The following PSMD6 variants were observed in gnomAD, a reference collection of about 807,000 sequenced individuals.
PSMD6 encodes the protein 26S proteasome non-ATPase regulatory subunit 6.
PSMD6 carries 7 observed loss-of-function variants against 44.9 expected under a neutral mutation model. The observed-to-expected ratio is 0.16, with a 90% CI of 0.09 to 0.29. The LOEUF is 0.29. Ranked by LOEUF, PSMD6 falls within the 10% of genes least tolerant of loss-of-function variation. PSMD6 has a pLI of 1.00. For synonymous variants in PSMD6, 184 were observed against 172.7 expected (o/e 1.07, Z -0.51); for missense variants, 420 against 482.6 (o/e 0.87, Z 1.21).
At chr3:64,011,097 G>T in intron 6 of PSMD6, 142 bp from the exon 7 acceptor site, 1 of 651,630 alleles carries the variant, frequency 1.5e-6, no homozygotes, top group South Asian at 2.0e-5. Flanking sequence ...AGTAGTTGAC[G>T]TTGTCCCTCC....
intron 5 of PSMD6, chr3:64,016,563 C>T (rs1327005610): frequency 1.6e-5 from 2 of 128,670 alleles, no homozygotes; most frequent in Non-Finnish European, 3.2e-5. Context: ...AATTGGGGCA[C>T]ATGGCCAGTT....
Position 64,018,583 on chromosome 3 carries a change from T to C in PSMD6, c.826+16A>G. The C allele has an allele frequency of 2.7e-6, 4 of 1,502,172 alleles. No individual in the cohort carries two copies. Among genetic ancestry groups the C allele is most frequent in the African/African-American group, 1.4e-5 (1 of 71,550 alleles). 93.1% of individuals were successfully genotyped at this position (1,502,172 alleles called of 1,614,324 possible). On this transcript the variant is annotated intron_variant, in intron 5 of 7. Coordinates refer to ENST00000295901, the MANE Select transcript of PSMD6 (RefSeq NM_014814.3). ...AGATGAAGACAGATAATCAAAAATATCAACCCTATCCTTACCTAATGATTG... is the reference window on the plus strand; with the variant it reads ...AGATGAAGACAGATAATCAAAAATACCAACCCTATCCTTACCTAATGATTG...
intron 2 of PSMD6, among the ~76,000 whole-genome samples, chr3:64,020,538 C>T (rs2076112873): frequency 6.6e-6 from 1 of 152,122 alleles, no homozygotes; most frequent in South Asian, 2.1e-4. Flanking sequence ...CACAAACATA[C>T]AGCTTAAAAG....
At chr3:64,022,747 G>A (rs1263724677) in intron 1 of PSMD6, 3 of 1,536,514 alleles carry the variant, frequency 2.0e-6, no homozygotes, top group Non-Finnish European at 2.6e-6. Context: ...ACCTCTACTA[G>A]GGCTGGAGGG....
intron 6 of PSMD6, chr3:64,011,873 T>G (rs1281649443): frequency 6.6e-6 from 1 of 152,488 alleles, no homozygotes; most frequent in African/African-American, 2.4e-5. Flanking sequence ...GTTTTTCTCA[T>G]GCACTGCTCA....
chr3:64,011,185 G>C, intron 6 of PSMD6: 1 of 384,870 alleles, frequency 2.6e-6, no homozygotes. Context: ...ATAGAAAGTA[G>C]ATCAAACAAT....
At chr3:64,022,635 C>A in intron 1 of PSMD6, 112 bp from the exon 2 acceptor site, 1 of 1,567,694 alleles carries the variant, frequency 6.4e-7, no homozygotes. Context: ...AGTCTCTTCC[C>A]CACTAACAGG....
intron 2 of PSMD6, among the ~76,000 whole-genome samples, chr3:64,021,491 T>A (rs904745839): frequency 6.6e-6 from 1 of 152,250 alleles, no homozygotes; most frequent in African/African-American, 2.4e-5. Flanking sequence ...ATTTATATTC[T>A]TTTACATATA....
At chr3:64,022,550 A>C (rs1276828681) in intron 1 of PSMD6, 27 bp from the exon 2 acceptor site, 1 of 1,611,990 alleles carries the variant, frequency 6.2e-7, no homozygotes, top group Non-Finnish European at 8.5e-7. Flanking sequence ...GGGATGTGTG[A>C]GTGGGGACAC....
In PSMD6 at chr3:64,018,586, A is replaced by G. The variant is rs777451575; in HGVS notation, c.826+13T>C. 7.9e-6 allele frequency: 12 copies of G among 1,511,320 alleles called. No homozygotes were observed. Among genetic ancestry groups the G allele is most frequent in the Admixed American group, 5.2e-5 (3 of 58,186 alleles). The allele number at this position is 1,511,320 out of a possible 1,614,324, so 93.6% of individuals were successfully genotyped here. On this transcript the variant is annotated intron_variant, in intron 5 of 7. Coordinates refer to ENST00000295901, the MANE Select transcript of PSMD6 (RefSeq NM_014814.3). ...TGAAGACAGATAATCAAAAATATCA[A>G]CCCTATCCTTACCTAATGATTGGAA... is the stretch of plus-strand genomic sequence containing the variant.
upstream of PSMD6, chr3:64,023,535 C>CTG: frequency 7.1e-7 from 1 of 1,407,574 alleles, no homozygotes; most frequent in Non-Finnish European, 9.3e-7. Flanking sequence ...CTTCCGGTCC[C>CTG]GTCTCCGCCG....
chr3:64,023,414 C>T lies in PSMD6; in HGVS notation c.6G>A (p.Pro2=), dbSNP rs1201697993. The T allele has an allele frequency of 1.3e-5, 20 of 1,598,322 alleles. No individual in the cohort carries two copies. The highest frequency in any genetic ancestry group is 1.5e-5 in the Non-Finnish European group (17 of 1,169,992). Reference sequence around the variant, plus strand: ...GACCCTCCTCCTCCAGGTTCTCCAGCGGCATCGCGGCGAAGGGGACAGCGG... The same window carrying T: ...GACCCTCCTCCTCCAGGTTCTCCAGTGGCATCGCGGCGAAGGGGACAGCGG... The part of the protein sequence containing the change: M[P]LENLEEEGLP... Residue 2 remains proline, a synonymous_variant, in exon 1 of 8, where the codon CCG becomes CCA. Coordinates refer to ENST00000295901, the MANE Select transcript of PSMD6 (RefSeq NM_014814.3).
intron 6 of PSMD6, chr3:64,011,984 T>C (rs2075963721): frequency 6.6e-6 from 1 of 152,152 alleles, no homozygotes. Context: ...CAGACTTCAA[T>C]TTCACAGACT....
chr3:64,019,741 A>G (rs1417883470), intron 2 of PSMD6: 2 of 271,238 alleles, frequency 7.4e-6, no homozygotes, highest in Admixed American at 5.3e-5. Flanking sequence ...TCTCTGTTCT[A>G]TATATTCAAT....
At chr3:64,016,508 A>C (rs1277856247) in intron 5 of PSMD6, 1 of 152,096 alleles carries the variant, frequency 6.6e-6, no homozygotes, top group Non-Finnish European at 1.5e-5. Flanking sequence ...TTAGCAAAGG[A>C]GGCAAACTAG....
Position 64,022,337 on chromosome 3 carries a change from A to T in PSMD6, c.332T>A (p.Leu111His). The T allele has an allele frequency of 1.2e-6, 2 of 1,614,242 alleles. No individual in the cohort carries two copies. Among genetic ancestry groups the T allele is most frequent in the Non-Finnish European group, 1.7e-6 (2 of 1,180,042 alleles). ...ACTCACTTTGTCACCTATCCGGCAGAGGTACTCGGCCTTTGCCATCATTGC... is the reference window on the plus strand; with the variant it reads ...ACTCACTTTGTCACCTATCCGGCAGTGGTACTCGGCCTTTGCCATCATTGC... ...RDAMMAKAEYLCRIGDKEGAL... is the reference protein window; with the variant it reads ...RDAMMAKAEYHCRIGDKEGAL... Residue 111 changes from leucine (L) to histidine (H), a missense_variant, in exon 2 of 8, where the codon CTC becomes CAC. This residue lies in a region of PSMD6 where 216 missense variants were observed against 227.0 expected (regional missense o/e 0.95). Coordinates refer to ENST00000295901, the MANE Select transcript of PSMD6 (RefSeq NM_014814.3).
At chr3:64,016,427 G>C (rs1479875338) in intron 5 of PSMD6, 1 of 151,560 alleles carries the variant, frequency 6.6e-6, no homozygotes, top group Non-Finnish European at 1.5e-5. Context: ...TTAGTACCAA[G>C]TGCTGTCCTG....
At chr3:64,015,622 C>G (rs2076030904) in intron 5 of PSMD6, 1 of 152,108 alleles carries the variant, frequency 6.6e-6, no homozygotes, top group Non-Finnish European at 1.5e-5. Context: ...ATACACGTTA[C>G]TTGTGAAGAG....
chr3:64,016,853 A>G (rs1014660756), intron 5 of PSMD6: 8 of 152,192 alleles, frequency 5.3e-5, no homozygotes, highest in African/African-American at 1.9e-4. Flanking sequence ...GCTGTACACA[A>G]ATCTTCATTA....
Sources: gnomAD v4.1 joint callset for allele counts (sites outside exome capture counted in the v4.1 genomes callset) on GRCh38, gnomAD v4.1.1 for gene constraint, gnomAD v4.1.1 regional missense constraint, MANE v1.5 for transcripts, NCBI Gene and HGNC (gene_info 2026-07-23, HGNC 2026-07-21) for gene names.